Variants in ST6GALNAC5 observed in about 807,000 individuals in gnomAD.
ST6GALNAC5 encodes alpha-N-acetylgalactosaminide alpha-2,6-sialyltransferase 5.
In ST6GALNAC5, 27 loss-of-function variants were observed where a neutral mutation model predicts 33.6. The observed-to-expected ratio is 0.80, with a 90% CI of 0.59 to 1.11. The LOEUF is 1.11. Ranked by LOEUF, ST6GALNAC5 falls within the 50% of genes least tolerant of loss-of-function variation. ST6GALNAC5 has a pLI of 0.00. For missense variants in ST6GALNAC5, 428 were observed against 454.0 expected, an observed-to-expected ratio of 0.94 and a Z score of 0.52; for synonymous variants, 194 against 171.2, an observed-to-expected ratio of 1.13 and a Z score of -1.04.
chr1:76,952,252 G>A (rs547820625), intron 2 of ST6GALNAC5, among the ~76,000 whole-genome samples: 147 of 152,158 alleles, frequency 9.7e-4, no homozygotes, highest in Non-Finnish European at 1.7e-3. Flanking sequence ...TGGAAAGAGA[G>A]GTACCGTAGC....
rs138095164 is a variant in ST6GALNAC5 at position 76,936,953 on chromosome 1, G to GGCGTGTGTGTGTGTGTGTGTGTGTGT, written c.261+68212_261+68213insCGTGTGTGTGTGTGTGTGTGTGTGTG. Among the ~76,000 whole-genome samples the GGCGTGTGTGTGTGTGTGTGTGTGTGT allele has an allele frequency of 4.6e-3, 649 of 140,024 alleles. 35 individuals are homozygous for GGCGTGTGTGTGTGTGTGTGTGTGTGT. The highest frequency in any genetic ancestry group is 8.1e-3 in the East Asian group (38 of 4,690). 91.9% of individuals were successfully genotyped at this position (140,024 alleles called of 152,430 possible). On this transcript the variant is annotated intron_variant, in intron 2 of 4. Transcript: ENST00000477717. ...AGTCAGGAGACTGGAAGAGAAGCAG[G>GGCGTGTGTGTGTGTGTGTGTGTGTGT]GTGTGTGTGTGTGTGTGTGTGTGTG...
chr1:76,968,905 G>A (rs1242195674), intron 2 of ST6GALNAC5, among the ~76,000 whole-genome samples: 2 of 152,032 alleles, frequency 1.3e-5, no homozygotes, highest in African/African-American at 4.8e-5. Flanking sequence ...TTGAATATTG[G>A]CCCCCACTCT....
intron 2 of ST6GALNAC5, among the ~76,000 whole-genome samples, chr1:76,995,038 A>C (rs1649872266): frequency 6.6e-6 from 1 of 152,194 alleles, no homozygotes; most frequent in Admixed American, 6.5e-5. Flanking sequence ...GGTATAGATC[A>C]CTGTCTCTTG....
chr1:76,892,570 C>T (rs1231794987), intron 2 of ST6GALNAC5, among the ~76,000 whole-genome samples: 1 of 152,134 alleles, frequency 6.6e-6, no homozygotes, highest in South Asian at 2.1e-4. Flanking sequence ...TTTAAATATT[C>T]CACCCCAATT....
chr1:76,979,196 C>G (rs957929219), intron 2 of ST6GALNAC5, among the ~76,000 whole-genome samples: 9 of 151,904 alleles, frequency 5.9e-5, no homozygotes, highest in African/African-American at 2.2e-4. Context: ...TTCGTATTAC[C>G]TAAAGCTAGC....
intron 2 of ST6GALNAC5, among the ~76,000 whole-genome samples, chr1:77,034,943 C>T (rs953264113): frequency 2.0e-5 from 3 of 152,160 alleles, no homozygotes; most frequent in Non-Finnish European, 1.5e-5. Context: ...TGCTACCTTT[C>T]GTGTATGGTT....
intron 2 of ST6GALNAC5, among the ~76,000 whole-genome samples, chr1:77,001,029 A>G (rs1329164301): frequency 6.6e-6 from 1 of 151,994 alleles, no homozygotes; most frequent in Non-Finnish European, 1.5e-5. Flanking sequence ...TTCTGTGAAG[A>G]AAGTCATTGG....
At chr1:76,942,038 T>C (rs961753112) in intron 2 of ST6GALNAC5, among the ~76,000 whole-genome samples, 1 of 152,060 alleles carries the variant, frequency 6.6e-6, no homozygotes, top group Admixed American at 6.6e-5. Context: ...GAGATGAAAG[T>C]ATGGAGAGGC....
intron 2 of ST6GALNAC5, among the ~76,000 whole-genome samples, chr1:76,963,045 G>A (rs1648304941): frequency 6.6e-6 from 1 of 152,104 alleles, no homozygotes; most frequent in Non-Finnish European, 1.5e-5. Flanking sequence ...GAAAATTTGT[G>A]CATAGGATTA....
rs774653542 is a variant in ST6GALNAC5 at position 76,948,617 on chromosome 1, G to GAGAA, written c.261+79878_261+79879insAAGA. On this transcript the variant is annotated intron_variant, in intron 2 of 4. Coordinates refer to ENST00000477717, the MANE Select transcript of ST6GALNAC5 (RefSeq NM_030965.3). ...AGAGAGAGAGAGAGAGAGAGAGAGA[G>GAGAA]AGAGAGAGAACTACTGAAATAAGAA... Among the ~76,000 whole-genome samples, 96 of 141,012 alleles carry GAGAA rather than the reference G, an allele frequency of 6.8e-4. 1 individual carries two copies. Among genetic ancestry groups the GAGAA allele is most frequent in the Non-Finnish European group, 1.2e-3 (79 of 64,710 alleles). 92.5% of individuals were successfully genotyped at this position (141,012 alleles called of 152,430 possible). A position where few individuals can be genotyped will look rare whatever the true frequency, so the allele number is the denominator to read the frequency against.
At chr1:76,961,568 T>G (rs1046902733) in intron 2 of ST6GALNAC5, among the ~76,000 whole-genome samples, 1 of 152,218 alleles carries the variant, frequency 6.6e-6, no homozygotes, top group African/African-American at 2.4e-5. Flanking sequence ...ACTCCCTTGC[T>G]GCCTGTGCAC....
intron 2 of ST6GALNAC5, among the ~76,000 whole-genome samples, chr1:76,966,729 T>C (rs1429432358): frequency 1.3e-5 from 2 of 152,218 alleles, no homozygotes; most frequent in Non-Finnish European, 2.9e-5. Context: ...ATGTTGGCTG[T>C]GGGTTTGTCA....
intron 2 of ST6GALNAC5, among the ~76,000 whole-genome samples, chr1:76,873,374 C>A (rs1482143967): frequency 1.3e-5 from 2 of 152,200 alleles, no homozygotes; most frequent in African/African-American, 4.8e-5. Context: ...TGTCTATTTT[C>A]TGCCCTTCCC....
intron 2 of ST6GALNAC5, among the ~76,000 whole-genome samples, chr1:77,006,673 T>A (rs546540564): frequency 6.6e-6 from 1 of 152,248 alleles, no homozygotes; most frequent in South Asian, 2.1e-4. Context: ...ATCAGATAAT[T>A]TGAGAAACAT....
chr1:76,959,754 C>T (rs1290663039), intron 2 of ST6GALNAC5, among the ~76,000 whole-genome samples: 1 of 152,212 alleles, frequency 6.6e-6, no homozygotes, highest in African/African-American at 2.4e-5. Flanking sequence ...TTCTTAGTCA[C>T]TGGCTTATGC....
chr1:76,915,909 GA>G (rs35380023), intron 2 of ST6GALNAC5, among the ~76,000 whole-genome samples: 70,791 of 149,386 alleles, frequency 0.47, 17,258 homozygotes, highest in African/African-American at 0.57. Flanking sequence ...AACTTCCTTG[GA>G]TAATAATAAT....
intron 2 of ST6GALNAC5, among the ~76,000 whole-genome samples, chr1:77,037,631 T>C (rs568175720): frequency 2.4e-4 from 37 of 152,052 alleles, no homozygotes; most frequent in African/African-American, 6.8e-4. Flanking sequence ...AAGAAGCAAA[T>C]AGTAAGATCT....
At chr1:77,035,120 G>C (rs571562655) in intron 2 of ST6GALNAC5, among the ~76,000 whole-genome samples, 1 of 152,224 alleles carries the variant, frequency 6.6e-6, no homozygotes, top group East Asian at 1.9e-4. Flanking sequence ...GAAGGTCTAG[G>C]GCAGTGCCTG....
chr1:77,044,861 A>G (rs946592362), intron 3 of ST6GALNAC5, among the ~76,000 whole-genome samples: 2 of 152,202 alleles, frequency 1.3e-5, no homozygotes, highest in African/African-American at 4.8e-5. Context: ...GGAAGAGGCT[A>G]CACAGCTCCT....
Sources: allele counts gnomAD v4.1 joint callset (sites outside exome capture counted in the v4.1 genomes callset), GRCh38; gene constraint gnomAD v4.1.1; transcripts MANE v1.5; gene names NCBI Gene and HGNC (gene_info 2026-07-23, HGNC 2026-07-21).